The following NCAM2 variants were observed in gnomAD, a reference collection of about 807,000 sequenced individuals.
The protein encoded by NCAM2 is N-CAM-2.
Under a neutral mutation model 98.1 loss-of-function variants are expected in NCAM2, and 30 were observed. The observed-to-expected ratio is 0.31, with a 90% CI of 0.23 to 0.41. The LOEUF is 0.41. Among genes scored for constraint, NCAM2 ranks in the 10% least tolerant of loss-of-function variants. NCAM2 has a pLI of 1.00. For missense variants in NCAM2, 867 were observed against 1,005.8 expected (o/e 0.86, Z 1.87); for synonymous variants, 368 against 342.4 (o/e 1.07, Z -0.83).
At position 21,324,981 on chromosome 21, in the gene NCAM2, T is replaced by C. The variant is rs376745338; in HGVS notation, c.737+481T>C. On this transcript the variant is annotated intron_variant, in intron 6 of 17. Transcript: ENST00000400546. Reference sequence around the variant, plus strand: ...TTCAATGAATTTAATGTGTAATTTTTAAAAATTACCTCATCAAATGAAATT... The same window carrying C: ...TTCAATGAATTTAATGTGTAATTTTCAAAAATTACCTCATCAAATGAAATT... 1.4e-3 allele frequency among the ~76,000 whole-genome samples: 138 copies of C among 98,718 alleles called. 4 individuals carry two copies. In the South Asian group the frequency reaches 0.042, roughly 30 times the overall value. 64.8% of individuals were successfully genotyped at this position (98,718 alleles called of 152,430 possible).
chr21:21,311,139 C>A (rs2074036689), intron 5 of NCAM2, among the ~76,000 whole-genome samples: 1 of 152,082 alleles, frequency 6.6e-6, no homozygotes, highest in Non-Finnish European at 1.5e-5. Flanking sequence ...ATTTTAATCA[C>A]AATTGTAAAG....
chr21:21,493,962 T>C (rs2146315162), intron 15 of NCAM2, among the ~76,000 whole-genome samples: 1 of 152,072 alleles, frequency 6.6e-6, no homozygotes, highest in South Asian at 2.1e-4. Flanking sequence ...ATGCTTAAAA[T>C]ATGTAGTTTT....
At chr21:21,149,212 T>C (rs962894171) in intron 1 of NCAM2, among the ~76,000 whole-genome samples, 3 of 152,182 alleles carry the variant, frequency 2.0e-5, no homozygotes, top group Non-Finnish European at 4.4e-5. Context: ...CTTTTCCATA[T>C]AAATTTAAAA....
chr21:21,380,083 G>T (rs2076119570), intron 9 of NCAM2, among the ~76,000 whole-genome samples: 1 of 152,082 alleles, frequency 6.6e-6, no homozygotes, highest in Non-Finnish European at 1.5e-5. Flanking sequence ...CAGATTAAGG[G>T]TGGGTCTGCC....
At chr21:21,108,792 A>AAT in intron 1 of NCAM2, among the ~76,000 whole-genome samples, 1 of 152,240 alleles carries the variant, frequency 6.6e-6, no homozygotes, top group Non-Finnish European at 1.5e-5. Flanking sequence ...AAAACTATCC[A>AAT]GCACACAAAA....
At chr21:21,480,993 A>C (rs1254101989) in intron 15 of NCAM2, among the ~76,000 whole-genome samples, 1 of 152,212 alleles carries the variant, frequency 6.6e-6, no homozygotes, top group Non-Finnish European at 1.5e-5. Flanking sequence ...TTGGTTAGAT[A>C]TGTGGGCGTA....
At chr21:21,245,549 G>A (rs1387344783) in intron 1 of NCAM2, among the ~76,000 whole-genome samples, 1 of 152,152 alleles carries the variant, frequency 6.6e-6, no homozygotes, top group Non-Finnish European at 1.5e-5. Flanking sequence ...AGATTGTCAG[G>A]AAGACCCATG....
At chr21:21,186,101 T>TG (rs1746355098) in intron 1 of NCAM2, among the ~76,000 whole-genome samples, 1 of 152,256 alleles carries the variant, frequency 6.6e-6, no homozygotes, top group South Asian at 2.1e-4. Context: ...AGGGGTTTTT[T>TG]TTGTTGTTAG....
intron 1 of NCAM2, among the ~76,000 whole-genome samples, chr21:21,166,655 T>C (rs1247129270): frequency 6.6e-6 from 1 of 152,126 alleles, no homozygotes; most frequent in African/African-American, 2.4e-5. Context: ...TCATTAAAAG[T>C]TACTTACTTT....
intron 9 of NCAM2, among the ~76,000 whole-genome samples, chr21:21,393,011 A>G (rs113794961): frequency 0.22 from 33,901 of 151,886 alleles, 4,100 homozygotes; most frequent in East Asian, 0.29. Context: ...TCATCATGAA[A>G]TCTTTGCCCA....
chr21:21,049,209 C>T (rs939489719), intron 1 of NCAM2, among the ~76,000 whole-genome samples: 10 of 146,096 alleles, frequency 6.8e-5, no homozygotes, highest in Non-Finnish European at 1.2e-4. Context: ...TTAGTAGAGA[C>T]GGGGTTTCAC....
At chr21:21,148,289 G>C (rs1335362857) in intron 1 of NCAM2, among the ~76,000 whole-genome samples, 1 of 152,086 alleles carries the variant, frequency 6.6e-6, no homozygotes, top group Non-Finnish European at 1.5e-5. Flanking sequence ...TAATTATTTT[G>C]ACCTCATAAA....
intron 1 of NCAM2, among the ~76,000 whole-genome samples, chr21:21,089,798 A>C (rs565685194): frequency 1.3e-5 from 2 of 152,338 alleles, no homozygotes; most frequent in South Asian, 4.1e-4. Context: ...AATGGTAAAA[A>C]ACATGATAAT....
intron 15 of NCAM2, among the ~76,000 whole-genome samples, chr21:21,487,521 G>A (rs1468993486): frequency 6.6e-6 from 1 of 151,992 alleles, no homozygotes; most frequent in South Asian, 2.1e-4. Context: ...CCAATGGTGT[G>A]TGTATTGTAT....
At chr21:21,461,237 AAATT>A (rs1220310544) in intron 12 of NCAM2, among the ~76,000 whole-genome samples, 1 of 151,934 alleles carries the variant, frequency 6.6e-6, no homozygotes, top group Non-Finnish European at 1.5e-5. Context: ...AAAATACTAT[AAATT>A]GTTTATGAAA....
chr21:21,336,189 C>T (rs1020842618), intron 7 of NCAM2, among the ~76,000 whole-genome samples: 20 of 152,002 alleles, frequency 1.3e-4, no homozygotes, highest in Middle Eastern at 3.4e-3. Flanking sequence ...AATATAATGA[C>T]GTAGCTTCAA....
chr21:21,124,399 A>T (rs1424530730), intron 1 of NCAM2, among the ~76,000 whole-genome samples: 2 of 152,222 alleles, frequency 1.3e-5, no homozygotes, highest in African/African-American at 2.4e-5. Flanking sequence ...ACAAAGAAAT[A>T]TCAAGAGCAT....
intron 5 of NCAM2, among the ~76,000 whole-genome samples, chr21:21,323,459 A>G (rs1156627692): frequency 2.6e-5 from 4 of 152,202 alleles, no homozygotes; most frequent in Non-Finnish European, 5.9e-5. Context: ...TCACACTTGT[A>G]AATGCCTGTC....
At chr21:21,180,208 C>T (rs140338459) in intron 1 of NCAM2, among the ~76,000 whole-genome samples, 6 of 152,156 alleles carry the variant, frequency 3.9e-5, no homozygotes, top group Non-Finnish European at 7.4e-5. Flanking sequence ...CAAAGTTACA[C>T]AGTGTTACAT....
Sources: allele counts gnomAD v4.1 joint callset (sites outside exome capture counted in the v4.1 genomes callset), GRCh38; gene constraint gnomAD v4.1.1; transcripts MANE v1.5; gene names NCBI Gene and HGNC (gene_info 2026-07-23, HGNC 2026-07-21).